The following MACROD2 variants were observed in gnomAD, a reference collection of about 807,000 sequenced individuals.
MACROD2 encodes ADP-ribose glycohydrolase MACROD2.
A neutral mutation model predicts 70.4 loss-of-function variants in MACROD2; 36 were observed. The ratio of observed to expected loss-of-function variants is 0.51; its 90% CI spans 0.39 to 0.68. MACROD2 has a LOEUF of 0.68. Ranked by LOEUF, MACROD2 falls within the 30% of genes least tolerant of loss-of-function variation. The pLI, the probability that MACROD2 is intolerant of heterozygous loss-of-function variation, is 0.00. For missense variants in MACROD2, 496 were observed against 538.4 expected (o/e 0.92, Z 0.78); for synonymous variants, 172 against 178.8 (o/e 0.96, Z 0.30).
At chr20:14,345,223 A>G (rs1046772254) in intron 3 of MACROD2, among the ~76,000 whole-genome samples, 5 of 152,168 alleles carry the variant, frequency 3.3e-5, no homozygotes, top group Admixed American at 6.5e-5. Flanking sequence ...CTTTACCTAT[A>G]TTTTATATAT....
At chr20:14,677,061 C>T (rs752407701) in intron 4 of MACROD2, among the ~76,000 whole-genome samples, 2 of 152,038 alleles carry the variant, frequency 1.3e-5, no homozygotes, top group Non-Finnish European at 2.9e-5. Flanking sequence ...GTACCTGATA[C>T]GTTTCTGCTC....
chr20:14,318,288 G>A (rs537758592), intron 3 of MACROD2, among the ~76,000 whole-genome samples: 21 of 152,256 alleles, frequency 1.4e-4, no homozygotes, highest in South Asian at 2.1e-4. Context: ...ATGTGTGCAC[G>A]TAATCAATCT....
At chr20:14,951,072 C>T (rs2074471693) in intron 5 of MACROD2, among the ~76,000 whole-genome samples, 1 of 152,076 alleles carries the variant, frequency 6.6e-6, no homozygotes, top group East Asian at 1.9e-4. Flanking sequence ...TCTCTCTTGC[C>T]TCAGTCAGTC....
rs1981847095 is a variant in MACROD2 at position 14,592,568 on chromosome 20, C to T, written c.302-92275C>T. The stretch of plus-strand genomic sequence containing the variant: ...CCTCCCAAGTAGCTGGGACCACAGG[C>T]GCAGGCCACCATGACTGGCTAACTT... On this transcript the variant is annotated intron_variant, in intron 4 of 17. Transcript: ENST00000684519. 3.3e-5 allele frequency among the ~76,000 whole-genome samples: 5 copies of T among 152,156 alleles called. No individual in the cohort carries two copies. The South Asian group carries it at 1.0e-3, about 32-fold the overall frequency.
intron 2 of MACROD2, among the ~76,000 whole-genome samples, chr20:14,078,245 T>C (rs558129963): frequency 6.6e-6 from 1 of 152,158 alleles, no homozygotes; most frequent in Non-Finnish European, 1.5e-5. Flanking sequence ...ACAAAAATTC[T>C]GTGCCTTATC....
chr20:15,552,446 A>T (rs2048112547), intron 8 of MACROD2: 3 of 152,196 alleles, frequency 2.0e-5, no homozygotes, highest in Admixed American at 2.0e-4. Context: ...AGTGGTAGGC[A>T]CTCAGGATGT....
intron 8 of MACROD2, among the ~76,000 whole-genome samples, chr20:15,808,461 T>G (rs1196165282): frequency 6.6e-6 from 1 of 152,160 alleles, no homozygotes; most frequent in Non-Finnish European, 1.5e-5. Flanking sequence ...TTACATATGT[T>G]TTTGAATTCT....
intron 8 of MACROD2, among the ~76,000 whole-genome samples, chr20:15,662,382 CT>C (rs541958459): frequency 1.3e-5 from 2 of 151,602 alleles, no homozygotes; most frequent in African/African-American, 4.8e-5. Flanking sequence ...GGGATTAGGT[CT>C]TTTTTTTTCT....
At chr20:14,883,650 A>T (rs1220933180) in intron 5 of MACROD2, among the ~76,000 whole-genome samples, 3 of 151,996 alleles carry the variant, frequency 2.0e-5, no homozygotes, top group Non-Finnish European at 2.9e-5. Context: ...TTCCTTTCCT[A>T]CCTGGCTGCA....
intron 8 of MACROD2, among the ~76,000 whole-genome samples, chr20:15,736,323 G>T (rs1049720416): frequency 2.6e-5 from 4 of 152,184 alleles, no homozygotes; most frequent in Non-Finnish European, 5.9e-5. Context: ...TTTAGGAATC[G>T]TTGGCTTGTG....
At chr20:14,560,317 A>ACACACACACACG (rs1413734857) in intron 4 of MACROD2, among the ~76,000 whole-genome samples, 2 of 151,286 alleles carry the variant, frequency 1.3e-5, no homozygotes, top group African/African-American at 4.8e-5. Flanking sequence ...GTACACACAC[A>ACACACACACACG]CACACACACA....
chr20:15,958,996 A>G (rs947121395), intron 12 of MACROD2, among the ~76,000 whole-genome samples: 2 of 152,146 alleles, frequency 1.3e-5, no homozygotes, highest in Admixed American at 6.6e-5. Context: ...AGTCTATGGT[A>G]TTTTGTTGTG....
rs2066771886 is a variant in MACROD2 at position 16,005,206 on chromosome 20, T to G, written c.1153+18048T>G. ...ATAGGATCGGGGGCATAACTCTTGC[T>G]CAACTTGCGGAAGTTCCCCACACAA... On this transcript the variant is annotated intron_variant, in intron 15 of 17. Coordinates refer to ENST00000684519, the MANE Select transcript of MACROD2 (RefSeq NM_001351661.2). 1.3e-5 allele frequency among the ~76,000 whole-genome samples: 2 copies of G among 152,220 alleles called. 1 individual carries two copies. The highest frequency in any genetic ancestry group is 1.3e-4 in the Admixed American group (2 of 15,284).
chr20:15,472,866 T>G (rs947703436), intron 7 of MACROD2, among the ~76,000 whole-genome samples: 1 of 152,228 alleles, frequency 6.6e-6, no homozygotes, highest in African/African-American at 2.4e-5. Flanking sequence ...CTATTTCTTA[T>G]TTAAATCCCA....
At chr20:14,788,674 T>A (rs1252606156) in intron 5 of MACROD2, among the ~76,000 whole-genome samples, 1 of 151,580 alleles carries the variant, frequency 6.6e-6, no homozygotes, top group Non-Finnish European at 1.5e-5. Context: ...TAACAGGGTT[T>A]ATTTGAACCC....
At chr20:14,265,078 C>T (rs957059433) in intron 3 of MACROD2, among the ~76,000 whole-genome samples, 4 of 152,224 alleles carry the variant, frequency 2.6e-5, no homozygotes, top group Non-Finnish European at 5.9e-5. Flanking sequence ...CCTCCCTCTG[C>T]TGTTCATTCA....
intron 10 of MACROD2, among the ~76,000 whole-genome samples, chr20:15,909,415 T>C (rs937450256): frequency 6.6e-6 from 1 of 152,174 alleles, no homozygotes; most frequent in African/African-American, 2.4e-5. Flanking sequence ...TGTCACATTG[T>C]ATATTTTTAA....
Position 15,345,915 on chromosome 20 carries a change from T to C in MACROD2, c.541-85490T>C, listed in dbSNP as rs142242000. ...GTCAATGAGTAGGAGCACTTGCTTA[T>C]AATAAATAGGAAGTTGCATAGCCAA... On this transcript the variant is annotated intron_variant, in intron 6 of 17. Coordinates refer to ENST00000684519, the MANE Select transcript of MACROD2 (RefSeq NM_001351661.2). Among the ~76,000 whole-genome samples the C allele has an allele frequency of 9.2e-5, 14 of 152,224 alleles. No homozygotes were observed. The East Asian group carries it at 2.7e-3, about 29-fold the overall frequency.
At chr20:15,296,705 C>A (rs1280086425) in intron 6 of MACROD2, among the ~76,000 whole-genome samples, 3 of 149,782 alleles carry the variant, frequency 2.0e-5, no homozygotes, top group Non-Finnish European at 4.4e-5. Flanking sequence ...TCTACCCAGT[C>A]TGGAAAGGAA....
Sources: allele counts gnomAD v4.1 joint callset (sites outside exome capture counted in the v4.1 genomes callset), GRCh38; gene constraint gnomAD v4.1.1; transcripts MANE v1.5; gene names NCBI Gene and HGNC (gene_info 2026-07-23, HGNC 2026-07-21).